PXDNL: variants seen among roughly 807,000 people sequenced by gnomAD.
The protein encoded by PXDNL is probable oxidoreductase PXDNL.
A neutral mutation model predicts 150.8 loss-of-function variants in PXDNL; 145 were observed. The observed-to-expected ratio is 0.96, with a 90% CI of 0.84 to 1.10. The LOEUF (loss-of-function observed/expected upper bound fraction) is 1.10. Ranked by LOEUF, PXDNL falls within the 50% of genes least tolerant of loss-of-function variation. PXDNL has a pLI of 0.00. For missense variants in PXDNL, 2,087 were observed against 1,873.9 expected (o/e 1.11, Z -2.10); for synonymous variants, 757 against 725.7 (o/e 1.04, Z -0.69).
intron 12 of PXDNL, among the ~76,000 whole-genome samples, chr8:51,427,404 C>T (rs775484717): frequency 1.3e-5 from 2 of 151,842 alleles, no homozygotes; most frequent in Non-Finnish European, 2.9e-5. Flanking sequence ...TTGGAAGGCT[C>T]ACCCTAATAT....
intron 4 of PXDNL, among the ~76,000 whole-genome samples, chr8:51,537,622 T>C (rs554339926): frequency 6.6e-6 from 1 of 152,288 alleles, no homozygotes; most frequent in Admixed American, 6.5e-5. Flanking sequence ...TATTTCTCAG[T>C]GTGAGTGTCT....
chr8:51,514,990 G>A (rs1456723519), intron 4 of PXDNL, among the ~76,000 whole-genome samples: 1 of 152,188 alleles, frequency 6.6e-6, no homozygotes, highest in Non-Finnish European at 1.5e-5. Flanking sequence ...CTTAAGCAGA[G>A]AAATACATAG....
intron 1 of PXDNL, among the ~76,000 whole-genome samples, chr8:51,682,067 T>C (rs145992998): frequency 6.6e-6 from 1 of 152,322 alleles, no homozygotes; most frequent in African/African-American, 2.4e-5. Flanking sequence ...GAAAGTGATT[T>C]TTACATTCCA....
Position 51,339,642 on chromosome 8 carries a change from GA to G in PXDNL, c.4127del (p.Ile1376ThrfsTer8). On this transcript the variant is annotated frameshift_variant, in exon 21 of 23. Transcript: ENST00000356297. LOFTEE classifies it high-confidence loss of function. ...AACAAACCTGCTCTCTGAGTGCTGTGATGGTTTCCTGAATTTCCGCTGCAAA... is the reference window on the plus strand; with the variant it reads ...AACAAACCTGCTCTCTGAGTGCTGTGTGGTTTCCTGAATTTCCGCTGCAAA... ...STFAAEIQET[I>X]TALREQINKL... The G allele has an allele frequency of 6.2e-7, 1 of 1,613,778 alleles. No individual in the cohort carries two copies. Among genetic ancestry groups the G allele is most frequent in the African/African-American group, 1.3e-5 (1 of 75,048 alleles).
intron 1 of PXDNL, among the ~76,000 whole-genome samples, chr8:51,729,892 G>T (rs1816884460): frequency 6.6e-6 from 1 of 152,178 alleles, no homozygotes; most frequent in Non-Finnish European, 1.5e-5. Context: ...AAGGCTATGT[G>T]CTATGTGACA....
Position 51,463,543 on chromosome 8 carries a change from T to C in PXDNL, c.813-5876A>G, listed in dbSNP as rs117764104. 3.1e-3 allele frequency among the ~76,000 whole-genome samples: 475 copies of C among 152,326 alleles called. 2 individuals carry two copies. The highest frequency in any genetic ancestry group is 4.9e-3 in the Non-Finnish European group (331 of 68,016). ...AAAAAGGACAAATAAGGGCACTACATAATGATAATTAGTTCAATTCAACAA... is the reference window on the plus strand; with the variant it reads ...AAAAAGGACAAATAAGGGCACTACACAATGATAATTAGTTCAATTCAACAA... On this transcript the variant is annotated intron_variant, in intron 8 of 22. Transcript: ENST00000356297.
At position 51,323,424 on chromosome 8, in the gene PXDNL, T is replaced by C. The variant is rs367596631; in HGVS notation, c.4147-2527A>G. On this transcript the variant is annotated intron_variant, in intron 21 of 22. Transcript: ENST00000356297. Reference sequence around the variant, plus strand: ...CCTCCCAGGTAGCTGGAACCACTGGTGTATGCCACCACGTCCAGCTAATTT... The same window carrying C: ...CCTCCCAGGTAGCTGGAACCACTGGCGTATGCCACCACGTCCAGCTAATTT... Among the ~76,000 whole-genome samples the C allele has an allele frequency of 9.2e-4, 140 of 152,128 alleles. 2 individuals carry two copies. Among genetic ancestry groups the C allele is most frequent in the African/African-American group, 3.1e-3 (129 of 41,506 alleles).
At chr8:51,722,307 A>G (rs1394749281) in intron 1 of PXDNL, 1 of 152,408 alleles carries the variant, frequency 6.6e-6, no homozygotes, top group African/African-American at 2.4e-5. Flanking sequence ...GGGGGAGCAC[A>G]CAGACGAGCA....
intron 1 of PXDNL, among the ~76,000 whole-genome samples, chr8:51,664,816 T>G (rs1472356245): frequency 6.6e-6 from 1 of 151,914 alleles, no homozygotes; most frequent in African/African-American, 2.4e-5. Context: ...CTGTCACCCA[T>G]CTCCACACCC....
At chr8:51,696,764 T>C (rs1484882435) in intron 1 of PXDNL, among the ~76,000 whole-genome samples, 1 of 1,182 alleles carries the variant, frequency 8.5e-4, no homozygotes, top group African/African-American at 2.5e-3. Flanking sequence ...CACACATAGG[T>C]CTTCACAGGT....
chr8:51,378,868 G>A (rs1807445406), intron 17 of PXDNL, among the ~76,000 whole-genome samples: 1 of 152,176 alleles, frequency 6.6e-6, no homozygotes, highest in Non-Finnish European at 1.5e-5. Flanking sequence ...AACATCAGAA[G>A]GAACAAACTC....
chr8:51,543,917 A>G (rs1812288140), intron 4 of PXDNL, among the ~76,000 whole-genome samples: 1 of 152,126 alleles, frequency 6.6e-6, no homozygotes. Flanking sequence ...TGTCAGCTCT[A>G]TCAGTGAAAT....
chr8:51,658,374 A>G (rs78735628), intron 1 of PXDNL, among the ~76,000 whole-genome samples: 1 of 39,806 alleles, frequency 2.5e-5, no homozygotes, highest in East Asian at 7.6e-4. Context: ...AAAGAAAAGG[A>G]AAAAAAAAGA....
intron 12 of PXDNL, 110 bp downstream of exon 12, chr8:51,446,894 C>CTA (rs151149131): frequency 0.013 from 8,769 of 665,876 alleles, 49 homozygotes; most frequent in African/African-American, 0.049. Flanking sequence ...GATCATATGA[C>CTA]TATATATATA....
At chr8:51,802,790 C>T (rs2037634528) in intron 1 of PXDNL, among the ~76,000 whole-genome samples, 1 of 152,176 alleles carries the variant, frequency 6.6e-6, no homozygotes, top group Admixed American at 6.5e-5. Flanking sequence ...TGTGAAGTAG[C>T]TTATTGAACT....
intron 19 of PXDNL, among the ~76,000 whole-genome samples, chr8:51,355,823 A>T (rs545376288): frequency 6.6e-6 from 1 of 152,222 alleles, no homozygotes; most frequent in Non-Finnish European, 1.5e-5. Context: ...TGATTAGCTG[A>T]TACTGAAAAT....
chr8:51,699,287 G>A (rs1241146770), intron 1 of PXDNL, among the ~76,000 whole-genome samples: 1 of 152,124 alleles, frequency 6.6e-6, no homozygotes, highest in Non-Finnish European at 1.5e-5. Context: ...TGGATAACTC[G>A]ATGCTAAGCA....
At chr8:51,543,881 G>T (rs1049164923) in intron 4 of PXDNL, among the ~76,000 whole-genome samples, 5 of 151,990 alleles carry the variant, frequency 3.3e-5, no homozygotes, top group African/African-American at 9.7e-5. Flanking sequence ...TTATTGGCAA[G>T]GATAATCAAT....
chr8:51,393,739 T>A (rs1262277780), intron 17 of PXDNL, among the ~76,000 whole-genome samples: 1 of 151,834 alleles, frequency 6.6e-6, no homozygotes, highest in Non-Finnish European at 1.5e-5. Context: ...TTCTTAAAAG[T>A]GGAAAAGGGA....
Sources: allele counts gnomAD v4.1 joint callset (sites outside exome capture counted in the v4.1 genomes callset), GRCh38; gene constraint gnomAD v4.1.1; transcripts MANE v1.5; gene names NCBI Gene and HGNC (gene_info 2026-07-23, HGNC 2026-07-21).